The following SMG1 variants were observed in gnomAD, a reference collection of about 807,000 sequenced individuals.
The protein encoded by SMG1 is serine/threonine-protein kinase SMG1.
A neutral mutation model predicts 419.9 loss-of-function variants in SMG1; 22 were observed. The observed-to-expected ratio is 0.05, with a 90% CI of 0.04 to 0.07. The LOEUF is 0.07. SMG1 is among the 10% of genes least tolerant of loss of function. The pLI is 1.00. For missense variants in SMG1, 3,185 were observed against 4,342.0 expected, an observed-to-expected ratio of 0.73 and a Z score of 7.49; for synonymous variants, 1,538 against 1,553.5, an observed-to-expected ratio of 0.99 and a Z score of 0.23.
chr16:18,845,780 A>C (rs1490367628), intron 38 of SMG1, 129 bp from the exon 39 acceptor site: 10 of 551,204 alleles, frequency 1.8e-5, no homozygotes, highest in Non-Finnish European at 2.8e-5. Flanking sequence ...ATAAAGCAAT[A>C]ACATATTCAC....
At chr16:18,885,486 C>A in intron 7 of SMG1, 55 bp downstream of exon 7, 1 of 1,589,536 alleles carries the variant, frequency 6.3e-7, no homozygotes, top group Non-Finnish European at 8.5e-7. Flanking sequence ...CAGATCCTCA[C>A]ACACACAACC....
intron 50 of SMG1, 59 bp from the exon 51 acceptor site, chr16:18,833,225 T>C: frequency 7.2e-7 from 1 of 1,389,796 alleles, no homozygotes; most frequent in East Asian, 2.5e-5. Flanking sequence ...AGTTACACAT[T>C]TGGAGACTTA....
intron 1 of SMG1, among the ~76,000 whole-genome samples, chr16:18,917,743 A>C (rs534843704): frequency 6.0e-5 from 9 of 150,208 alleles, no homozygotes; most frequent in African/African-American, 2.2e-4. Flanking sequence ...ACACTCGACT[A>C]ATTTTGTATT....
At chr16:18,894,786 T>C (rs1440703052) in intron 3 of SMG1, among the ~76,000 whole-genome samples, 5 of 151,202 alleles carry the variant, frequency 3.3e-5, no homozygotes. Flanking sequence ...AGGAAAAAAA[T>C]TATCATTACC....
chr16:18,926,228 G>C lies in SMG1; in HGVS notation c.-187C>G, dbSNP rs9927331. 352 of 572,244 alleles carry C rather than the reference G, an allele frequency of 6.2e-4. No individual in the cohort carries two copies. Among genetic ancestry groups the C allele is most frequent in the Admixed American group, 1.0e-3 (28 of 28,036 alleles). 35.4% of individuals were successfully genotyped at this position (572,244 alleles called of 1,614,324 possible). On this transcript the variant is annotated 5_prime_UTR_variant, in exon 1 of 63. Coordinates refer to ENST00000446231, the MANE Select transcript of SMG1 (RefSeq NM_015092.5). Reference sequence around the variant, plus strand: ...CGGGGGAAGAGGACGGCCGTTCCGGGTTCCGCCTGAGCCCGCAGCGCAGGA... The same window carrying C: ...CGGGGGAAGAGGACGGCCGTTCCGGCTTCCGCCTGAGCCCGCAGCGCAGGA...
intron 1 of SMG1, among the ~76,000 whole-genome samples, chr16:18,913,778 T>TA (rs540114485): frequency 5.4e-4 from 80 of 149,246 alleles, no homozygotes; most frequent in South Asian, 2.8e-3. Flanking sequence ...AAAAGGGTAA[T>TA]AAAAAAAAAA....
At chr16:18,908,513 G>GAAATCT (rs2037666091) in intron 1 of SMG1, among the ~76,000 whole-genome samples, 1 of 136,368 alleles carries the variant, frequency 7.3e-6, no homozygotes, top group African/African-American at 2.7e-5. Context: ...ACACACTGCA[G>GAAATCT]AAATCTAAAG....
intron 60 of SMG1, among the ~76,000 whole-genome samples, chr16:18,813,953 C>T (rs1363187324): frequency 3.4e-5 from 5 of 145,984 alleles, no homozygotes; most frequent in Admixed American, 2.2e-4. Context: ...ATCCCCTGAA[C>T]CCAGAAGGCG....
chr16:18,836,677 TC>T, intron 46 of SMG1, 145 bp from the exon 47 acceptor site: 1 of 795,522 alleles, frequency 1.3e-6, no homozygotes, highest in Non-Finnish European at 2.0e-6. Context: ...CCCTTACTTC[TC>T]TGTTTTTCCT....
chr16:18,853,669 A>G lies in SMG1; in HGVS notation c.4682T>C (p.Leu1561Ser). 1 of 1,613,304 alleles carries G rather than the reference A, an allele frequency of 6.2e-7. No individual in the cohort carries two copies. Among genetic ancestry groups the G allele is most frequent in the Admixed American group, 1.7e-5 (1 of 59,930 alleles). ...HQQNFTGLST[L>S]SKNILTLIEL... Reference sequence around the variant, plus strand: ...TATTAGAGTGAGTATGTTTTTAGACAAAGTAGAAAGACCTGTGAAGTTCTG... The same window carrying G: ...TATTAGAGTGAGTATGTTTTTAGACGAAGTAGAAAGACCTGTGAAGTTCTG... Residue 1561 changes from leucine to serine, a missense_variant, in exon 31 of 63, where the codon TTG (leucine) becomes TCG (serine). By Grantham distance (145) the Leu-to-Ser change is moderately radical. This residue lies in a region of SMG1 where 493 missense variants were observed against 552.9 expected (regional missense o/e 0.89). Coordinates refer to ENST00000446231, the MANE Select transcript of SMG1 (RefSeq NM_015092.5).
intron 1 of SMG1, among the ~76,000 whole-genome samples, chr16:18,916,964 G>A (rs746906447): frequency 1.3e-5 from 2 of 151,940 alleles, no homozygotes; most frequent in Admixed American, 6.6e-5. Flanking sequence ...AGACACCATG[G>A]ACCACACTCC....
At chr16:18,854,082 C>CTTTTTTTTTTTTTTTTTTTTTTTTTTTTT (rs11448105) in intron 30 of SMG1, among the ~76,000 whole-genome samples, 1 of 84,012 alleles carries the variant, frequency 1.2e-5, no homozygotes, top group African/African-American at 5.1e-5. Context: ...AAATACTAAA[C>CTTTTTTTTTTTTTTTTTTTTTTTTTTTTT]TTTTTTTTTT....
At position 18,926,372 on chromosome 16, in the gene SMG1, G is replaced by C. The variant is rs1433690205; in HGVS notation, c.-331C>G. On this transcript the variant is annotated 5_prime_UTR_variant, in exon 1 of 63. Coordinates refer to ENST00000446231, the MANE Select transcript of SMG1 (RefSeq NM_015092.5). ...CGGAGGACGAGGACGACGAGGAGCA[G>C]GCGGTGGCGGCAGCTCCTCACGCTC... is the stretch of plus-strand genomic sequence containing the variant. 1 of 300,582 alleles carries C rather than the reference G, an allele frequency of 3.3e-6. No homozygotes were observed. Among genetic ancestry groups the C allele is most frequent in the Non-Finnish European group, 6.2e-6 (1 of 162,540 alleles). The allele number at this position is 300,582 out of a possible 1,614,324, so 18.6% of individuals were successfully genotyped here.
chr16:18,847,748 C>T lies in SMG1; in HGVS notation c.5841+68G>A, dbSNP rs535294517. 31 of 1,574,262 alleles carry T rather than the reference C, an allele frequency of 2.0e-5. No individual in the cohort carries two copies. In the African/African-American group the frequency reaches 2.6e-4, roughly 13 times the overall value. On this transcript the variant is annotated intron_variant, in intron 37 of 62. Transcript: ENST00000446231. ...GAACCCTGACCAGTGATTGTCAATACAGATTGGCAAAAGCAATTTTTATTA... is the reference window on the plus strand; with the variant it reads ...GAACCCTGACCAGTGATTGTCAATATAGATTGGCAAAAGCAATTTTTATTA...
At chr16:18,870,486 C>A in intron 18 of SMG1, 124 bp downstream of exon 18, 1 of 676,596 alleles carries the variant, frequency 1.5e-6, no homozygotes. Context: ...CAATCACTGA[C>A]AAACAGGGCC....
chr16:18,872,330 G>C lies in SMG1; in HGVS notation c.2037C>G (p.Ile679Met). 1 of 1,578,164 alleles carries C rather than the reference G, an allele frequency of 6.3e-7. No individual in the cohort carries two copies. Among genetic ancestry groups the C allele is most frequent in the Non-Finnish European group, 8.6e-7 (1 of 1,166,958 alleles). Residue 679 changes from isoleucine to methionine, a missense_variant, in exon 15 of 63, where the codon ATC (isoleucine) becomes ATG (methionine). Ile to Met is a conservative substitution (Grantham distance 10). This residue lies in a region of SMG1 where 297 missense variants were observed against 491.0 expected (regional missense o/e 0.60). Transcript: ENST00000446231. ...GAGAGGAAGAACTGAGGCTACTAGA[G>C]ATAAAGTGATCATGCCTGAAAGACA... ...YSHCTRHDHF[I>M]SSSLSSSSPS...
At chr16:18,820,642 T>C (rs957954425) in intron 55 of SMG1, among the ~76,000 whole-genome samples, 1 of 152,214 alleles carries the variant, frequency 6.6e-6, no homozygotes, top group Non-Finnish European at 1.5e-5. Context: ...TCTACTTTCC[T>C]GCATGTCCAT....
chr16:18,834,503 G>T, intron 49 of SMG1, 65 bp from the exon 50 acceptor site: 1 of 1,445,476 alleles, frequency 6.9e-7, no homozygotes, highest in Non-Finnish European at 9.4e-7. Flanking sequence ...TAACTGGCCG[G>T]GTCAAGGCCA....
chr16:18,908,476 CAAAAAAA>C (rs59890240), intron 1 of SMG1, among the ~76,000 whole-genome samples: 5 of 83,706 alleles, frequency 6.0e-5, no homozygotes, highest in Admixed American at 1.4e-4. Context: ...GACTCCGTCT[CAAAAAAA>C]AAAAAAAAAA....
Sources: gnomAD v4.1 joint callset for allele counts (sites outside exome capture counted in the v4.1 genomes callset) on GRCh38, gnomAD v4.1.1 for gene constraint, gnomAD v4.1.1 regional missense constraint, MANE v1.5 for transcripts, NCBI Gene and HGNC (gene_info 2026-07-23, HGNC 2026-07-21) for gene names.